Variants in AVL9 observed in about 807,000 individuals in gnomAD.
The protein encoded by AVL9 is AVL9 cell migration associated, also known as late secretory pathway protein AVL9 homolog.
AVL9 carries 49 observed loss-of-function variants against 79.2 expected under a neutral mutation model. The observed-to-expected ratio is 0.62, with a 90% CI of 0.49 to 0.79. The LOEUF (loss-of-function observed/expected upper bound fraction) is 0.79. AVL9 is among the 30% of genes least tolerant of loss of function. AVL9 has a pLI of 0.00. For synonymous variants in AVL9, 299 were observed against 280.6 expected, an observed-to-expected ratio of 1.07 and a Z score of -0.65; for missense variants, 682 against 776.8, an observed-to-expected ratio of 0.88 and a Z score of 1.45.
chr7:32,532,073 G>A (rs1180961677), intron 1 of AVL9: 1 of 152,164 alleles, frequency 6.6e-6, no homozygotes, highest in Non-Finnish European at 1.5e-5. Flanking sequence ...GTAAATGCAG[G>A]GGATTTTATT....
intron 5 of AVL9, 74 bp downstream of exon 5, chr7:32,551,497 A>G (rs1002388854): frequency 3.9e-6 from 3 of 763,590 alleles, no homozygotes; most frequent in Middle Eastern, 2.4e-4. Flanking sequence ...TGTCAGTAAT[A>G]CTGTGAAGGA....
intron 15 of AVL9, among the ~76,000 whole-genome samples, chr7:32,582,704 G>C (rs1486487952): frequency 6.6e-6 from 1 of 151,706 alleles, no homozygotes; most frequent in Admixed American, 6.6e-5. Flanking sequence ...TTTTTTTCCT[G>C]AGACAGGGTC....
intron 1 of AVL9, among the ~76,000 whole-genome samples, chr7:32,521,649 A>G (rs1562762033): frequency 6.6e-6 from 1 of 152,232 alleles, no homozygotes; most frequent in Non-Finnish European, 1.5e-5. Context: ...GCGATAGACA[A>G]GAAAAACCCA....
At chr7:32,553,108 A>G (rs1403553206) in intron 6 of AVL9, among the ~76,000 whole-genome samples, 1 of 152,150 alleles carries the variant, frequency 6.6e-6, no homozygotes, top group Admixed American at 6.5e-5. Flanking sequence ...TATGATTGCA[A>G]TCCTCTGTGT....
chr7:32,497,836 A>G (rs1175406610), intron 1 of AVL9, among the ~76,000 whole-genome samples: 1 of 152,032 alleles, frequency 6.6e-6, no homozygotes, highest in Admixed American at 6.6e-5. Flanking sequence ...TATTTTTAGT[A>G]GAGACGGGGT....
chr7:32,566,163 T>A (rs1030748559), intron 10 of AVL9, among the ~76,000 whole-genome samples: 11 of 88,118 alleles, frequency 1.2e-4, no homozygotes, highest in South Asian at 4.6e-4. Context: ...TTTAAAAAAA[T>A]TTTAATTATT....
chr7:32,565,977 C>CAA (rs70992730), intron 10 of AVL9, among the ~76,000 whole-genome samples: 17,485 of 139,138 alleles, frequency 0.13, 1,556 homozygotes, highest in African/African-American at 0.25. Context: ...CACTGCACTC[C>CAA]AAAAAAAAAA....
intron 6 of AVL9, 113 bp downstream of exon 6, chr7:32,552,408 C>A (rs1038007961): frequency 3.3e-6 from 2 of 612,712 alleles, no homozygotes; most frequent in African/African-American, 3.7e-5. Flanking sequence ...GATCTAAATT[C>A]TTCAACATTT....
At chr7:32,546,641 T>G (rs1789519497) in intron 3 of AVL9, among the ~76,000 whole-genome samples, 1 of 151,916 alleles carries the variant, frequency 6.6e-6, no homozygotes, top group African/African-American at 2.4e-5. Context: ...GCTAACATAG[T>G]GAAACCCCAT....
At chr7:32,521,417 G>C (rs1027011574) in intron 1 of AVL9, among the ~76,000 whole-genome samples, 1 of 152,168 alleles carries the variant, frequency 6.6e-6, no homozygotes, top group Non-Finnish European at 1.5e-5. Context: ...GGGAACTGGA[G>C]TAAAGGTGAC....
chr7:32,552,316 T>G, intron 6 of AVL9, 21 bp downstream of exon 6: 3 of 1,454,942 alleles, frequency 2.1e-6, no homozygotes, highest in Non-Finnish European at 2.9e-6. Flanking sequence ...GACTTACAAG[T>G]TAAAAGAGAT....
intron 1 of AVL9, among the ~76,000 whole-genome samples, chr7:32,517,328 CAG>C (rs1325783627): frequency 2.8e-5 from 4 of 145,406 alleles, no homozygotes; most frequent in Non-Finnish European, 4.5e-5. Flanking sequence ...TTTTTTGAGA[CAG>C]AGTCTCACTC....
chr7:32,580,885 C>G lies in AVL9; in HGVS notation c.1826C>G (p.Ala609Gly). The change falls in exon 15 of 16, where the codon GCT becomes GGT. Residue 609 changes from alanine (A) to glycine (G), a missense_variant. Ala to Gly is a moderately conservative substitution (Grantham distance 60). Transcript: ENST00000318709. Reference sequence around the variant, plus strand: ...CGGAATGTTGTACAAACAGGAAAAGCTGTTGGTAAGACATGCCTTTAGCCA... The same window carrying G: ...CGGAATGTTGTACAAACAGGAAAAGGTGTTGGTAAGACATGCCTTTAGCCA... ...TSRNVVQTGK[A>G]VGQSVGGAFS... 1.9e-6 allele frequency: 3 copies of G among 1,613,254 alleles called. No homozygotes were observed. The highest frequency in any genetic ancestry group is 2.5e-6 in the Non-Finnish European group (3 of 1,179,516).
chr7:32,524,455 C>T (rs565714867), intron 1 of AVL9, among the ~76,000 whole-genome samples: 1 of 152,088 alleles, frequency 6.6e-6, no homozygotes, highest in African/African-American at 2.4e-5. Flanking sequence ...ACAGTGGTTG[C>T]AGTGAACCGA....
intron 4 of AVL9, among the ~76,000 whole-genome samples, chr7:32,549,772 TAGCC>T (rs113618451): frequency 0.61 from 91,514 of 149,906 alleles, 28,270 homozygotes; most frequent in Admixed American, 0.71. Flanking sequence ...AAAAAAAAAT[TAGCC>T]AGGCACGGTG....
At chr7:32,538,259 C>A (rs1789006356) in intron 1 of AVL9, 1 of 152,140 alleles carries the variant, frequency 6.6e-6, no homozygotes, top group African/African-American at 2.4e-5. Context: ...GCCCTTAACT[C>A]CAAGATTATA....
rs1318377997 is a variant in AVL9, at chr7:32,580,616, T to G, written c.1743-186T>G. 3 of 584,234 alleles carry G rather than the reference T, an allele frequency of 5.1e-6. No homozygotes were observed. The East Asian group carries it at 8.6e-5, about 17-fold the overall frequency. The allele number at this position is 584,234 out of a possible 1,614,324, so 36.2% of individuals were successfully genotyped here. A position where few individuals can be genotyped will look rare whatever the true frequency, so the allele number is the denominator to read the frequency against. On this transcript the variant is annotated intron_variant, in intron 14 of 15. Coordinates refer to ENST00000318709, the MANE Select transcript of AVL9 (RefSeq NM_015060.3). ...ATGTTCTTCTCGTGTATTCTGAAAATGCACATGCTTAAAAGGTTAATAAAT... is the reference window on the plus strand; with the variant it reads ...ATGTTCTTCTCGTGTATTCTGAAAAGGCACATGCTTAAAAGGTTAATAAAT...
intron 11 of AVL9, among the ~76,000 whole-genome samples, chr7:32,570,464 C>A (rs918578972): frequency 2.0e-5 from 3 of 152,142 alleles, no homozygotes; most frequent in Non-Finnish European, 2.9e-5. Context: ...CCTACCACTA[C>A]CTCATGATTT....
intron 2 of AVL9, among the ~76,000 whole-genome samples, 175 bp from the exon 3 acceptor site, chr7:32,544,498 GATGAGTATTTACCATAAAGCA>G (rs1266641123): frequency 4.6e-5 from 7 of 152,098 alleles, no homozygotes; most frequent in African/African-American, 1.4e-4. Flanking sequence ...GGCTTTTTGT[GATGAGTATTTACCATAAAGCA>G]ATGAGAAAAA....
Sources: allele counts gnomAD v4.1 joint callset (sites outside exome capture counted in the v4.1 genomes callset), GRCh38; gene constraint gnomAD v4.1.1; transcripts MANE v1.5; gene names NCBI Gene and HGNC (gene_info 2026-07-23, HGNC 2026-07-21).